Variants in ST3GAL1 observed in about 807,000 individuals in gnomAD.
The protein encoded by ST3GAL1 is ST3 beta-galactoside alpha-2,3-sialyltransferase 1.
ST3GAL1 carries 16 observed loss-of-function variants against 34.1 expected under a neutral mutation model. The ratio of observed to expected loss-of-function variants is 0.47; its 90% CI spans 0.32 to 0.71. The LOEUF is 0.71. ST3GAL1 is among the 30% of genes least tolerant of loss of function. The pLI, the probability that ST3GAL1 is intolerant of heterozygous loss-of-function variation, is 0.04. For synonymous variants in ST3GAL1, 191 were observed against 184.7 expected, an observed-to-expected ratio of 1.03 and a Z score of -0.28; for missense variants, 353 against 447.4, an observed-to-expected ratio of 0.79 and a Z score of 1.90.
intron 2 of ST3GAL1, among the ~76,000 whole-genome samples, chr8:133,522,992 G>A (rs73711005): frequency 1.3e-5 from 2 of 152,332 alleles, no homozygotes; most frequent in African/African-American, 2.4e-5. Flanking sequence ...AGACAGCCTT[G>A]CTGGGGGAGA....
At chr8:133,542,417 C>T (rs568444496) in intron 2 of ST3GAL1, among the ~76,000 whole-genome samples, 63 of 152,290 alleles carry the variant, frequency 4.1e-4, no homozygotes, top group African/African-American at 1.4e-3. Context: ...GTCAAAATAA[C>T]TAATGATCAC....
At chr8:133,513,622 G>A (rs976830859) in intron 2 of ST3GAL1, among the ~76,000 whole-genome samples, 8 of 152,130 alleles carry the variant, frequency 5.3e-5, no homozygotes, top group Admixed American at 1.3e-4. Context: ...TTGGCTGGGC[G>A]TAATGGCTCA....
intron 3 of ST3GAL1, among the ~76,000 whole-genome samples, chr8:133,477,906 GGT>G (rs1816239558): frequency 6.6e-6 from 1 of 152,072 alleles, no homozygotes; most frequent in Non-Finnish European, 1.5e-5. Flanking sequence ...ATCACCTTTT[GGT>G]AGAAAGGGGG....
At chr8:133,518,201 C>G (rs721591) in intron 2 of ST3GAL1, among the ~76,000 whole-genome samples, 24,792 of 152,176 alleles carry the variant, frequency 0.16, 2,141 homozygotes, top group East Asian at 0.25. Flanking sequence ...CAGTGGAGGG[C>G]TGACCAGCTT....
At chr8:133,539,366 C>T (rs899888419) in intron 2 of ST3GAL1, among the ~76,000 whole-genome samples, 2 of 152,196 alleles carry the variant, frequency 1.3e-5, no homozygotes, top group Non-Finnish European at 2.9e-5. Flanking sequence ...AAGGCACTCT[C>T]GCTGACACTG....
At chr8:133,567,477 G>A (rs1459752449) in intron 1 of ST3GAL1, among the ~76,000 whole-genome samples, 1 of 152,128 alleles carries the variant, frequency 6.6e-6, no homozygotes, top group Non-Finnish European at 1.5e-5. Flanking sequence ...AAAGTGAAAG[G>A]GCTGACCAAA....
chr8:133,519,643 C>A (rs1405617787), intron 2 of ST3GAL1, among the ~76,000 whole-genome samples: 1 of 152,138 alleles, frequency 6.6e-6, no homozygotes, highest in Non-Finnish European at 1.5e-5. Flanking sequence ...GCCAGGCACA[C>A]ATTAAGAACT....
chr8:133,550,902 T>C (rs957583658), intron 1 of ST3GAL1, among the ~76,000 whole-genome samples: 7 of 152,194 alleles, frequency 4.6e-5, no homozygotes, highest in African/African-American at 1.7e-4. Context: ...TCTCCAATTT[T>C]GTGTCTTCTT....
intron 2 of ST3GAL1, among the ~76,000 whole-genome samples, chr8:133,514,641 G>A (rs758723313): frequency 1.3e-5 from 2 of 152,038 alleles, no homozygotes; most frequent in Non-Finnish European, 1.5e-5. Context: ...GAAGCTCCTC[G>A]TACTCCTGCA....
At chr8:133,489,747 A>G (rs747956529) in intron 3 of ST3GAL1, 4 of 152,208 alleles carry the variant, frequency 2.6e-5, no homozygotes, top group Non-Finnish European at 2.9e-5. Flanking sequence ...GCCAGAGGGC[A>G]AGGTCCCCTT....
intron 2 of ST3GAL1, among the ~76,000 whole-genome samples, chr8:133,504,800 C>T (rs1817285626): frequency 6.6e-6 from 1 of 152,076 alleles, no homozygotes; most frequent in Non-Finnish European, 1.5e-5. Context: ...AAGAAGATGA[C>T]AAGGCAGAAG....
chr8:133,491,207 C>T (rs1232592689), intron 3 of ST3GAL1, among the ~76,000 whole-genome samples: 1 of 152,066 alleles, frequency 6.6e-6, no homozygotes, highest in African/African-American at 2.4e-5. Context: ...CATAGCCTCA[C>T]AAAAAGAATT....
chr8:133,533,596 A>G (rs1818219137), intron 2 of ST3GAL1, among the ~76,000 whole-genome samples: 1 of 152,112 alleles, frequency 6.6e-6, no homozygotes, highest in South Asian at 2.1e-4. Context: ...GCCCCATTGG[A>G]GGCAGATCCA....
intron 2 of ST3GAL1, among the ~76,000 whole-genome samples, chr8:133,519,323 C>G (rs1429628420): frequency 1.3e-5 from 2 of 152,138 alleles, no homozygotes; most frequent in Admixed American, 1.3e-4. Flanking sequence ...TCATTAGCCA[C>G]ACTAGCTAAT....
At chr8:133,478,530 C>T (rs1213186731) in intron 3 of ST3GAL1, among the ~76,000 whole-genome samples, 4 of 152,180 alleles carry the variant, frequency 2.6e-5, no homozygotes, top group African/African-American at 7.2e-5. Context: ...GAATAAATCC[C>T]CTTTATGGGG....
chr8:133,496,812 G>A (rs144947893), intron 3 of ST3GAL1, among the ~76,000 whole-genome samples: 4 of 152,290 alleles, frequency 2.6e-5, no homozygotes, highest in East Asian at 3.9e-4. Context: ...TCCAGGCCAC[G>A]GCACCCAAGG....
At chr8:133,562,218 T>C (rs990321530) in intron 1 of ST3GAL1, among the ~76,000 whole-genome samples, 4 of 150,432 alleles carry the variant, frequency 2.7e-5, no homozygotes, top group African/African-American at 9.8e-5. Context: ...TCTTTTTTTT[T>C]TTTTTTTTTT....
chr8:133,548,036 AT>A (rs1818719678), intron 1 of ST3GAL1, among the ~76,000 whole-genome samples: 1 of 152,196 alleles, frequency 6.6e-6, no homozygotes, highest in African/African-American at 2.4e-5. Flanking sequence ...AACAGATTCT[AT>A]TTGGCACCTG....
chr8:133,466,637 C>G lies in ST3GAL1; in HGVS notation c.307-547G>C, dbSNP rs974841971. Among the ~76,000 whole-genome samples, 1 of 152,214 alleles carries G rather than the reference C, an allele frequency of 6.6e-6. No individual in the cohort carries two copies. The highest frequency in any genetic ancestry group is 2.4e-5 in the African/African-American group (1 of 41,458). ...GGTGGAAATGCCAGTTCTCCAGCCC[C>G]GGCCAGGGATGGGGGACAGAGCAGT... On this transcript the variant is annotated intron_variant, in intron 5 of 9. Transcript: ENST00000522652. The surrounding 1 kb of genome is among the most constrained non-coding windows in gnomAD (Gnocchi z 4.4).
Sources: allele counts gnomAD v4.1 joint callset (sites outside exome capture counted in the v4.1 genomes callset), GRCh38; gene constraint gnomAD v4.1.1; non-coding constraint Gnocchi (gnomAD v3.1); transcripts MANE v1.5; gene names NCBI Gene and HGNC (gene_info 2026-07-23, HGNC 2026-07-21).